PCDHA9: variants seen among roughly 807,000 people sequenced by gnomAD.
The protein encoded by PCDHA9 is protocadherin alpha 9, also known as protocadherin alpha-9.
Under a neutral mutation model 62.0 loss-of-function variants are expected in PCDHA9, and 62 were observed. The ratio of observed to expected loss-of-function variants is 1.00; its 90% CI spans 0.81 to 1.23. The LOEUF is 1.23. PCDHA9 is among the 50% of genes most tolerant of loss of function. PCDHA9 has a pLI of 0.00. For synonymous variants in PCDHA9, 557 were observed against 567.6 expected, an observed-to-expected ratio of 0.98 and a Z score of 0.27; for missense variants, 1,205 against 1,249.8, an observed-to-expected ratio of 0.96 and a Z score of 0.54.
At chr5:140,937,982 A>G (rs1227498616) in intron 1 of PCDHA9, among the ~76,000 whole-genome samples, 1 of 151,926 alleles carries the variant, frequency 6.6e-6, no homozygotes, top group Non-Finnish European at 1.5e-5. Flanking sequence ...TACTGATTTT[A>G]TGTTAACTTT....
At chr5:140,999,244 G>A (rs1554256717) in intron 3 of PCDHA9, among the ~76,000 whole-genome samples, 1 of 152,210 alleles carries the variant, frequency 6.6e-6, no homozygotes, top group African/African-American at 2.4e-5. Flanking sequence ...GTTAAAGTGG[G>A]AGTTGGATTA....
intron 1 of PCDHA9, chr5:140,876,569 G>C (rs1554168675): frequency 6.2e-7 from 1 of 1,614,186 alleles, no homozygotes; most frequent in Admixed American, 1.7e-5. Flanking sequence ...GCTCAGGTGG[G>C]TACCGTCATT....
chr5:141,001,792 T>C (rs1442216091), intron 3 of PCDHA9, among the ~76,000 whole-genome samples: 3 of 152,192 alleles, frequency 2.0e-5, no homozygotes, highest in African/African-American at 7.2e-5. Context: ...AGCCTGAGTA[T>C]ATACTATCAT....
At chr5:140,869,174 G>A (rs2050887580) in intron 1 of PCDHA9, 1 of 1,613,958 alleles carries the variant, frequency 6.2e-7, no homozygotes, top group Non-Finnish European at 8.5e-7. Flanking sequence ...CTCGAATTCT[G>A]GGAGGTGGGG....
chr5:140,898,330 G>A (rs536378486), intron 1 of PCDHA9, among the ~76,000 whole-genome samples: 29 of 152,102 alleles, frequency 1.9e-4, no homozygotes, highest in African/African-American at 6.0e-4. Flanking sequence ...TGGGTCTAAC[G>A]TTTAAGTCTT....
At chr5:140,986,398 G>C (rs973049448) in intron 3 of PCDHA9, among the ~76,000 whole-genome samples, 1 of 152,174 alleles carries the variant, frequency 6.6e-6, no homozygotes, top group Non-Finnish European at 1.5e-5. Context: ...AGGGCCAGTC[G>C]CTCATGTTAC....
At position 140,883,606 on chromosome 5, in the gene PCDHA9, C is replaced by G; in HGVS notation, c.2394+32717C>G. 3 of 1,613,944 alleles carry G rather than the reference C, an allele frequency of 1.9e-6. No homozygotes were observed. In the African/African-American group the frequency reaches 4.0e-5, roughly 22 times the overall value. On this transcript the variant is annotated intron_variant, in intron 1 of 3. Coordinates refer to ENST00000532602, the MANE Select transcript of PCDHA9 (RefSeq NM_031857.2). ...CGGCCAGCGTGTCGGTGGGGGTGGC[C>G]GACGTGAACGACAACGCGCCGGCGT...
intron 1 of PCDHA9, among the ~76,000 whole-genome samples, chr5:140,894,606 T>C (rs1305424119): frequency 6.6e-6 from 1 of 152,022 alleles, no homozygotes; most frequent in Non-Finnish European, 1.5e-5. Context: ...CTCATCTCTC[T>C]TTTCAAAGCT....
At position 140,928,541 on chromosome 5, in the gene PCDHA9, A is replaced by G. The variant is rs149868042; in HGVS notation, c.2395-50408A>G. On this transcript the variant is annotated intron_variant, in intron 1 of 3. Transcript: ENST00000532602. ...AACTTGTTTGTGGTAGATAGGAATG[A>G]CAATTATCCGGTTATCTTGTTTCCC... 2 of 1,614,192 alleles carry G rather than the reference A, an allele frequency of 1.2e-6. No homozygotes were observed. Among genetic ancestry groups the G allele is most frequent in the African/African-American group, 1.3e-5 (1 of 75,044 alleles).
chr5:140,936,312 C>A (rs2090900162), intron 1 of PCDHA9, among the ~76,000 whole-genome samples: 1 of 152,166 alleles, frequency 6.6e-6, no homozygotes, highest in Non-Finnish European at 1.5e-5. Context: ...ATAGAACTTT[C>A]TGACATGCTA....
chr5:140,913,764 T>C (rs2076457452), intron 1 of PCDHA9, among the ~76,000 whole-genome samples: 1 of 152,162 alleles, frequency 6.6e-6, no homozygotes, highest in Admixed American at 6.5e-5. Flanking sequence ...TCATAGGTTT[T>C]GGCATGTTGT....
At chr5:140,877,456 A>G (rs782196648) in intron 1 of PCDHA9, 18 of 1,613,802 alleles carry the variant, frequency 1.1e-5, no homozygotes, top group Non-Finnish European at 1.5e-5. Flanking sequence ...GCTGACGTCC[A>G]CGGCCACGGT....
chr5:140,858,272 G>C, intron 1 of PCDHA9: 1 of 1,597,346 alleles, frequency 6.3e-7, no homozygotes, highest in Non-Finnish European at 8.6e-7. Flanking sequence ...GTGCTCTAGC[G>C]CGGTGGGGAG....
chr5:140,919,613 A>G (rs993064588), intron 1 of PCDHA9, among the ~76,000 whole-genome samples: 1 of 152,270 alleles, frequency 6.6e-6, no homozygotes, highest in South Asian at 2.1e-4. Context: ...TTTAAACTGT[A>G]TCTTTTGAGT....
chr5:140,891,096 T>A (rs926770209), intron 1 of PCDHA9, among the ~76,000 whole-genome samples: 1 of 152,210 alleles, frequency 6.6e-6, no homozygotes, highest in African/African-American at 2.4e-5. Context: ...ATTGTTGCTG[T>A]CAAGAATTTA....
At chr5:140,871,352 C>CT in intron 1 of PCDHA9, 1 of 1,614,210 alleles carries the variant, frequency 6.2e-7, no homozygotes, top group South Asian at 1.1e-5. Flanking sequence ...TGGTCATACT[C>CT]GCAGCAGAGG....
At chr5:140,967,475 C>T (rs555659207) in intron 1 of PCDHA9, 1 of 1,613,342 alleles carries the variant, frequency 6.2e-7, no homozygotes, top group South Asian at 1.1e-5. Context: ...CATCCCAGCC[C>T]GCTCGGGTAC....
At chr5:140,869,788 T>C (rs782425741) in intron 1 of PCDHA9, 4 of 1,612,892 alleles carry the variant, frequency 2.5e-6, no homozygotes, top group African/African-American at 1.3e-5. Context: ...CGTTCGGCTG[T>C]TAGTCCAAGT....
chr5:140,879,816 G>C (rs1232945342), intron 1 of PCDHA9, among the ~76,000 whole-genome samples: 9 of 152,196 alleles, frequency 5.9e-5, no homozygotes, highest in African/African-American at 2.2e-4. Flanking sequence ...TTGGCTGTTG[G>C]TGTTCCCTGG....
Sources: gnomAD v4.1 joint callset for allele counts (sites outside exome capture counted in the v4.1 genomes callset) on GRCh38, gnomAD v4.1.1 for gene constraint, MANE v1.5 for transcripts, NCBI Gene and HGNC (gene_info 2026-07-23, HGNC 2026-07-21) for gene names.